The following POC1B variants were observed in gnomAD, a reference collection of about 807,000 sequenced individuals.
POC1B encodes the protein POC1 centriolar protein homolog B.
In POC1B, 44 loss-of-function variants were observed where a neutral mutation model predicts 60.6. That is an observed-to-expected ratio of 0.73 (90% confidence interval 0.57 to 0.93). The LOEUF (loss-of-function observed/expected upper bound fraction) is 0.93. Ranked by LOEUF, POC1B falls within the 40% of genes least tolerant of loss-of-function variation. The pLI is 0.00. For missense variants in POC1B, 555 were observed against 572.3 expected, an observed-to-expected ratio of 0.97 and a Z score of 0.31; for synonymous variants, 180 against 198.9, an observed-to-expected ratio of 0.90 and a Z score of 0.80.
chr12:89,503,973 G>A (rs4842659), intron 2 of POC1B, among the ~76,000 whole-genome samples: 72,445 of 104,028 alleles, frequency 0.7, 26,286 homozygotes, highest in Middle Eastern at 0.85. Flanking sequence ...CAGCCGCCCC[G>A]TCCGGGAGGG....
chr12:89,520,018 C>T (rs1870715292), intron 2 of POC1B: 1 of 151,992 alleles, frequency 6.6e-6, no homozygotes, highest in African/African-American at 2.4e-5. Flanking sequence ...ATTAGGGAAT[C>T]GGTTTTTTTA....
chr12:89,502,730 T>C (rs1869637663), intron 2 of POC1B: 2 of 1,355,726 alleles, frequency 1.5e-6, no homozygotes, highest in African/African-American at 1.4e-5. Context: ...GAAATTGATA[T>C]TAAGACCACA....
intron 10 of POC1B, among the ~76,000 whole-genome samples, chr12:89,456,536 T>C (rs1024621330): frequency 1.3e-5 from 2 of 152,172 alleles, no homozygotes; most frequent in Non-Finnish European, 1.5e-5. Flanking sequence ...AAATAATCTT[T>C]AGAAAATTAG....
chr12:89,434,334 T>C (rs902200399), intron 10 of POC1B, among the ~76,000 whole-genome samples: 1 of 152,222 alleles, frequency 6.6e-6, no homozygotes, highest in African/African-American at 2.4e-5. Context: ...AATATCCAAA[T>C]GATTAATTCA....
In POC1B at chr12:89,421,172, G is replaced by A. The variant is rs765022227; in HGVS notation, c.1418C>T (p.Ala473Val). The part of the protein sequence containing the change: ...CLENQQKLFS[A>V]VQQKS ...TTTTATTCAGCTTTTCTGTTGGACA[G>A]CACTGAAAAGCTTTTGCTGATTTTC... The change falls in exon 12 of 12, where the codon GCT becomes GTT. Residue 473 changes from alanine to valine, a missense_variant. By Grantham distance (64) the Ala-to-Val change is moderately conservative. Transcript: ENST00000313546. 1.9e-6 allele frequency: 3 copies of A among 1,597,506 alleles called. No homozygotes were observed. The highest frequency in any genetic ancestry group is 1.3e-5 in the African/African-American group (1 of 74,874).
chr12:89,500,956 T>A lies in POC1B; in HGVS notation c.101-3614A>T, dbSNP rs138237592. ...AGTCCCATTGTTAGGCATGGAGGAA[T>A]TGTTCCACCTCATTCGTGTCCTCCC... On this transcript the variant is annotated intron_variant, in intron 2 of 11. Coordinates refer to ENST00000313546, the MANE Select transcript of POC1B (RefSeq NM_172240.3). The A allele has an allele frequency of 3.0e-5, 27 of 886,644 alleles. No individual in the cohort carries two copies. The East Asian group carries it at 5.0e-4, about 17-fold the overall frequency. The allele number at this position is 886,644 out of a possible 1,614,324, so 54.9% of individuals were successfully genotyped here.
chr12:89,524,837 C>A, intron 2 of POC1B: 1 of 617,376 alleles, frequency 1.6e-6, no homozygotes, highest in Non-Finnish European at 2.8e-6. Flanking sequence ...AGGAGAAACC[C>A]CTCCCCTTCC....
chr12:89,445,911 G>T (rs914656342), intron 10 of POC1B, among the ~76,000 whole-genome samples: 1 of 151,774 alleles, frequency 6.6e-6, no homozygotes, highest in East Asian at 1.9e-4. Flanking sequence ...AAATTTACAA[G>T]AAAAAAACAA....
intron 10 of POC1B, among the ~76,000 whole-genome samples, chr12:89,452,478 A>C (rs1882089694): frequency 6.6e-6 from 1 of 152,116 alleles, no homozygotes; most frequent in Non-Finnish European, 1.5e-5. Flanking sequence ...AATAGGAGTA[A>C]GGACAAGTTT....
intron 10 of POC1B, among the ~76,000 whole-genome samples, chr12:89,459,407 T>TAAAAAAA (rs10535587): frequency 9.8e-6 from 1 of 102,436 alleles, no homozygotes; most frequent in Non-Finnish European, 2.1e-5. Flanking sequence ...ACTTAAAGTA[T>TAAAAAAA]AAAAAAAAAA....
At chr12:89,488,543 A>G (rs1457308060) in intron 4 of POC1B, among the ~76,000 whole-genome samples, 1 of 152,148 alleles carries the variant, frequency 6.6e-6, no homozygotes, top group East Asian at 1.9e-4. Flanking sequence ...GCTGGAGTGA[A>G]GTGGCACAAT....
At chr12:89,424,756 C>T (rs1047612690) in intron 11 of POC1B, among the ~76,000 whole-genome samples, 2 of 152,132 alleles carry the variant, frequency 1.3e-5, no homozygotes, top group African/African-American at 4.8e-5. Context: ...GAATGCAAAA[C>T]CATCATGCCT....
At chr12:89,435,908 T>C (rs916644802) in intron 10 of POC1B, among the ~76,000 whole-genome samples, 7 of 151,794 alleles carry the variant, frequency 4.6e-5, no homozygotes, top group African/African-American at 1.7e-4. Flanking sequence ...TGTATGAACA[T>C]ACACACAGAT....
chr12:89,461,972 G>C (rs1357785565), intron 9 of POC1B: 1 of 152,056 alleles, frequency 6.6e-6, no homozygotes, highest in Admixed American at 6.6e-5. Context: ...ACCTAGTGTA[G>C]ACAGAAAATT....
intron 10 of POC1B, among the ~76,000 whole-genome samples, chr12:89,432,162 T>A (rs923011956): frequency 6.6e-6 from 1 of 151,970 alleles, no homozygotes; most frequent in African/African-American, 2.4e-5. Context: ...GGTGGGCGGA[T>A]TGCCTGAGCT....
intron 2 of POC1B, chr12:89,502,520 G>A (rs896403834): frequency 1.6e-5 from 17 of 1,094,822 alleles, no homozygotes; most frequent in South Asian, 2.7e-5. Flanking sequence ...TCTTGATAAC[G>A]ATGAAAGAAA....
At chr12:89,412,985 G>A in the POC1B span, among the ~76,000 whole-genome samples, 563 of 147,894 alleles carry the variant, frequency 3.8e-3, 2 homozygotes, top group African/African-American at 0.013. Flanking sequence ...TGCAGCCTCC[G>A]CCTCCTGGAT....
At chr12:89,424,936 T>G (rs1880695823) in intron 11 of POC1B, among the ~76,000 whole-genome samples, 1 of 152,172 alleles carries the variant, frequency 6.6e-6, no homozygotes, top group Non-Finnish European at 1.5e-5. Context: ...TTCTTACAAA[T>G]GGCTTAAGCT....
chr12:89,522,755 A>T, intron 2 of POC1B: 1 of 1,516,930 alleles, frequency 6.6e-7, no homozygotes, highest in Non-Finnish European at 8.8e-7. Context: ...TGAGGCTCTT[A>T]AGGCTCTTTG....
Sources: gnomAD v4.1 joint callset for allele counts (sites outside exome capture counted in the v4.1 genomes callset) on GRCh38, gnomAD v4.1.1 for gene constraint, MANE v1.5 for transcripts, NCBI Gene and HGNC (gene_info 2026-07-23, HGNC 2026-07-21) for gene names.